FANK1: variants seen among roughly 807,000 people sequenced by gnomAD.
FANK1 encodes fibronectin type 3 and ankyrin repeat domains protein 1.
FANK1 carries 44 observed loss-of-function variants against 45.3 expected under a neutral mutation model. The ratio of observed to expected loss-of-function variants is 0.97; its 90% CI spans 0.76 to 1.25. FANK1 has a LOEUF of 1.25. Among genes scored for constraint, FANK1 ranks in the 50% most tolerant of loss-of-function variants. The pLI, the probability that FANK1 is intolerant of heterozygous loss-of-function variation, is 0.00. For missense variants in FANK1, 391 were observed against 424.4 expected (o/e 0.92, Z 0.69); for synonymous variants, 149 against 152.5 (o/e 0.98, Z 0.17).
At chr10:125,904,972 C>T (rs1945360629) in intron 1 of FANK1, among the ~76,000 whole-genome samples, 1 of 148,092 alleles carries the variant, frequency 6.8e-6, no homozygotes, top group Admixed American at 6.7e-5. Flanking sequence ...AAAAATACAA[C>T]AAAAAAAAAT....
At chr10:125,977,165 A>G (rs749496303) in intron 1 of FANK1, among the ~76,000 whole-genome samples, 1 of 152,144 alleles carries the variant, frequency 6.6e-6, no homozygotes, top group Non-Finnish European at 1.5e-5. Flanking sequence ...AGGGCGTATG[A>G]CACTCTGGCC....
Position 125,957,134 on chromosome 10 carries a change from C to T in FANK1, c.14-23027C>T, listed in dbSNP as rs548991107. 1.1e-4 allele frequency among the ~76,000 whole-genome samples: 16 copies of T among 152,294 alleles called. No individual in the cohort carries two copies. In the South Asian group the frequency reaches 3.3e-3, roughly 32 times the overall value. On this transcript the variant is annotated intron_variant, in intron 1 of 10. Transcript: ENST00000368693. The stretch of plus-strand genomic sequence containing the variant: ...CCTCCCAAAGTGCTGGGATTACAGG[C>T]GTGAGCCACCGCACCTGGCTTACTG...
At chr10:125,970,843 G>T (rs1030634393) in intron 1 of FANK1, among the ~76,000 whole-genome samples, 5 of 151,994 alleles carry the variant, frequency 3.3e-5, no homozygotes, top group African/African-American at 1.2e-4. Context: ...ACCGTGGAAA[G>T]CAGGAGACGG....
intron 1 of FANK1, among the ~76,000 whole-genome samples, chr10:125,945,609 G>A (rs1165802794): frequency 6.6e-6 from 1 of 152,226 alleles, no homozygotes; most frequent in Non-Finnish European, 1.5e-5. Context: ...TACGCCCACG[G>A]AATCTCGCTG....
At chr10:125,963,799 G>A (rs1049708987) in intron 1 of FANK1, among the ~76,000 whole-genome samples, 1 of 152,060 alleles carries the variant, frequency 6.6e-6, no homozygotes, top group Non-Finnish European at 1.5e-5. Flanking sequence ...TGTAAATGAC[G>A]AGATAATGGG....
chr10:125,936,464 A>C (rs1417071541), intron 1 of FANK1, among the ~76,000 whole-genome samples: 1 of 147,902 alleles, frequency 6.8e-6, no homozygotes, highest in African/African-American at 2.5e-5. Flanking sequence ...AATTGCCACA[A>C]CCCCAGAAGT....
chr10:125,986,550 C>T (rs72839923), intron 2 of FANK1, among the ~76,000 whole-genome samples: 53 of 152,040 alleles, frequency 3.5e-4, no homozygotes, highest in Admixed American at 9.2e-4. Context: ...GACTCTTCTG[C>T]GCCCTGACTC....
At chr10:125,910,243 T>C (rs1945881225) in intron 1 of FANK1, among the ~76,000 whole-genome samples, 1 of 152,240 alleles carries the variant, frequency 6.6e-6, no homozygotes, top group Admixed American at 6.5e-5. Context: ...TTTTTAAAAA[T>C]TGTACAGCTC....
At chr10:125,946,703 A>T (rs923888473) in intron 1 of FANK1, among the ~76,000 whole-genome samples, 6 of 146,738 alleles carry the variant, frequency 4.1e-5, no homozygotes, top group African/African-American at 1.3e-4. Flanking sequence ...TATCCAGGAG[A>T]ACTTCCCAAA....
intron 2 of FANK1, among the ~76,000 whole-genome samples, chr10:125,987,643 G>C (rs1650089570): frequency 6.6e-6 from 1 of 152,132 alleles, no homozygotes; most frequent in South Asian, 2.1e-4. Context: ...TAAGAAGAAA[G>C]AATGTTGGCA....
chr10:125,936,758 T>G (rs772066294), intron 1 of FANK1, among the ~76,000 whole-genome samples: 1 of 152,136 alleles, frequency 6.6e-6, no homozygotes, highest in Non-Finnish European at 1.5e-5. Context: ...TAGTTTCTTG[T>G]TTTTGGCTAT....
intron 1 of FANK1, among the ~76,000 whole-genome samples, chr10:125,931,122 G>C (rs1947726454): frequency 6.6e-6 from 1 of 152,174 alleles, no homozygotes; most frequent in Admixed American, 6.5e-5. Context: ...TTGATTGATG[G>C]GCATTTGGGT....
At chr10:125,945,277 T>C (rs942125536) in intron 1 of FANK1, among the ~76,000 whole-genome samples, 2 of 152,094 alleles carry the variant, frequency 1.3e-5, no homozygotes, top group African/African-American at 4.8e-5. Flanking sequence ...ACAGCTCCGG[T>C]CTACAGCTCC....
chr10:125,897,998 CAAAAAAAAAAAAAAAAAAAAAA>C (rs373550249), intron 1 of FANK1, among the ~76,000 whole-genome samples: 10 of 16,792 alleles, frequency 6.0e-4, no homozygotes, highest in Non-Finnish European at 9.6e-4. Flanking sequence ...TACTAAAATA[CAAAAAAAAAAAAAAAAAAAAAA>C]AAAAAAAAAA....
At chr10:125,961,281 A>G (rs1382932202) in intron 1 of FANK1, among the ~76,000 whole-genome samples, 2 of 152,048 alleles carry the variant, frequency 1.3e-5, no homozygotes, top group Non-Finnish European at 2.9e-5. Flanking sequence ...TAACTTTTAA[A>G]AATTTTCTGT....
intron 1 of FANK1, among the ~76,000 whole-genome samples, chr10:125,898,612 C>G (rs1488234686): frequency 6.6e-6 from 1 of 151,118 alleles, no homozygotes. Flanking sequence ...AAAGCTGTAG[C>G]TAAGGAGAGG....
At chr10:125,926,477 CT>C (rs1947348560) in intron 1 of FANK1, among the ~76,000 whole-genome samples, 1 of 152,312 alleles carries the variant, frequency 6.6e-6, no homozygotes, top group African/African-American at 2.4e-5. Flanking sequence ...TCCCTGACCC[CT>C]GGCAACCACT....
intron 1 of FANK1, among the ~76,000 whole-genome samples, chr10:125,946,305 AC>A (rs1948796581): frequency 6.7e-6 from 1 of 149,364 alleles, no homozygotes; most frequent in Non-Finnish European, 1.5e-5. Context: ...CGATCAAATT[AC>A]TCTGAGCTAC....
chr10:125,978,489 A>C (rs552330136), intron 1 of FANK1, among the ~76,000 whole-genome samples: 2 of 150,818 alleles, frequency 1.3e-5, no homozygotes, highest in African/African-American at 4.9e-5. Flanking sequence ...GGGAAATTCA[A>C]TGTCCATCTG....
Sources: allele counts gnomAD v4.1 joint callset (sites outside exome capture counted in the v4.1 genomes callset), GRCh38; gene constraint gnomAD v4.1.1; transcripts MANE v1.5; gene names NCBI Gene and HGNC (gene_info 2026-07-23, HGNC 2026-07-21).